The following CAMTA1 variants were observed in gnomAD, a reference collection of about 807,000 sequenced individuals.
CAMTA1 encodes the protein calmodulin-binding transcription activator 1.
In CAMTA1, 27 loss-of-function variants were observed where a neutral mutation model predicts 170.9. That is an observed-to-expected ratio of 0.16 (90% CI 0.12 to 0.22). CAMTA1 has a LOEUF of 0.22. Among genes scored for constraint, CAMTA1 ranks in the 10% least tolerant of loss-of-function variants. CAMTA1 has a pLI of 1.00. For synonymous variants in CAMTA1, 833 were observed against 891.5 expected, an observed-to-expected ratio of 0.93 and a Z score of 1.17; for missense variants, 1,619 against 2,217.2, an observed-to-expected ratio of 0.73 and a Z score of 5.42.
intron 4 of CAMTA1, among the ~76,000 whole-genome samples, chr1:7,109,875 A>G (rs548381158): frequency 2.0e-5 from 3 of 152,214 alleles, no homozygotes; most frequent in Admixed American, 1.3e-4. Flanking sequence ...GCTGAGGAGC[A>G]CTCGGGGTCT....
chr1:7,235,427 C>T (rs896732782), intron 4 of CAMTA1, among the ~76,000 whole-genome samples: 2 of 152,096 alleles, frequency 1.3e-5, no homozygotes, highest in Non-Finnish European at 2.9e-5. Flanking sequence ...GAGTTTGAAA[C>T]CAGCCTGGCC....
At position 7,456,980 on chromosome 1, in the gene CAMTA1, G is replaced by A. The variant is rs1479699097; in HGVS notation, c.439-10850G>A. Among the ~76,000 whole-genome samples the A allele has an allele frequency of 1.3e-5, 2 of 151,320 alleles. No individual in the cohort carries two copies. Among genetic ancestry groups the A allele is most frequent in the African/African-American group, 2.4e-5 (1 of 41,046 alleles). Reference sequence around the variant, plus strand: ...GGAGCGAGGCCCAGCAGAGTTCGGCGCCGCCCTCCCGTTCCTCCTCCCTCC... The same window carrying A: ...GGAGCGAGGCCCAGCAGAGTTCGGCACCGCCCTCCCGTTCCTCCTCCCTCC... On this transcript the variant is annotated intron_variant, in intron 5 of 22. Coordinates refer to ENST00000303635, the MANE Select transcript of CAMTA1 (RefSeq NM_015215.4). The surrounding 1 kb of genome is among the most constrained non-coding windows in gnomAD (Gnocchi z 4.9).
intron 5 of CAMTA1, among the ~76,000 whole-genome samples, chr1:7,345,090 C>T: frequency 6.6e-6 from 1 of 152,144 alleles, no homozygotes; most frequent in Non-Finnish European, 1.5e-5. Flanking sequence ...GTCAAGTTGT[C>T]TCTTTCTTCT....
chr1:7,391,622 TTC>T (rs2088728026), intron 5 of CAMTA1, among the ~76,000 whole-genome samples: 2 of 152,272 alleles, frequency 1.3e-5, no homozygotes, highest in South Asian at 4.1e-4. Flanking sequence ...TGGAGATGGT[TTC>T]TATCAGCTCA....
rs190231664 is a variant in CAMTA1 at position 7,563,262 on chromosome 1, G to A, written c.511-77138G>A. ...CTAAGTACCTGCCAGAGTCTTCCGC[G>A]CAGCTGCTAGAAGCGAACCTGCTTT... On this transcript the variant is annotated intron_variant, in intron 6 of 22. Transcript: ENST00000303635. Among the ~76,000 whole-genome samples the A allele has an allele frequency of 3.9e-4, 59 of 152,318 alleles. No individual in the cohort carries two copies. In the East Asian group the frequency reaches 9.3e-3, roughly 24 times the overall value.
At chr1:6,792,525 C>T (rs1641413582) in intron 1 of CAMTA1, among the ~76,000 whole-genome samples, 1 of 151,818 alleles carries the variant, frequency 6.6e-6, no homozygotes, top group African/African-American at 2.4e-5. Flanking sequence ...TATTATGTAC[C>T]CCATTGCAAA....
chr1:7,449,650 A>G (rs1333112713), intron 5 of CAMTA1, among the ~76,000 whole-genome samples: 1 of 151,764 alleles, frequency 6.6e-6, no homozygotes, highest in Non-Finnish European at 1.5e-5. Context: ...CATGTCTGTA[A>G]TCCCAGCTAC....
chr1:7,110,824 C>T (rs937650069), intron 4 of CAMTA1, among the ~76,000 whole-genome samples: 19 of 152,330 alleles, frequency 1.2e-4, no homozygotes, highest in Non-Finnish European at 1.8e-4. Context: ...TGTGCGACCT[C>T]GATTCCCAAA....
At chr1:7,177,145 G>A (rs1433395463) in intron 4 of CAMTA1, among the ~76,000 whole-genome samples, 1 of 139,826 alleles carries the variant, frequency 7.2e-6, no homozygotes, top group Non-Finnish European at 1.6e-5. Flanking sequence ...CACACACCGA[G>A]GCTCTTCCCA....
chr1:7,631,115 G>A (rs978781303), intron 6 of CAMTA1, among the ~76,000 whole-genome samples: 6 of 152,220 alleles, frequency 3.9e-5, no homozygotes, highest in African/African-American at 1.4e-4. Flanking sequence ...GTGGGCCCTT[G>A]ATGTGGAGAC....
intron 5 of CAMTA1, among the ~76,000 whole-genome samples, chr1:7,414,285 G>A (rs936048338): frequency 6.6e-6 from 1 of 152,166 alleles, no homozygotes; most frequent in African/African-American, 2.4e-5. Flanking sequence ...AATGAGTTAG[G>A]GAGGATTCCC....
intron 4 of CAMTA1, among the ~76,000 whole-genome samples, chr1:7,125,372 G>A (rs1644871564): frequency 6.6e-6 from 1 of 152,178 alleles, no homozygotes; most frequent in African/African-American, 2.4e-5. Context: ...ATGCCATGCT[G>A]GGTGATGGGG....
intron 11 of CAMTA1, among the ~76,000 whole-genome samples, chr1:7,706,895 T>TC (rs2096530260): frequency 6.6e-6 from 1 of 150,890 alleles, no homozygotes; most frequent in South Asian, 2.1e-4. Context: ...TCTTTTTTTT[T>TC]TTTTTTTTTG....
chr1:7,686,143 G>A (rs1197981528), intron 11 of CAMTA1, among the ~76,000 whole-genome samples: 1 of 152,190 alleles, frequency 6.6e-6, no homozygotes, highest in Non-Finnish European at 1.5e-5. Context: ...TCTGCTGGGT[G>A]CCAGGCACTG....
chr1:7,554,957 G>A (rs1053329754), intron 6 of CAMTA1, among the ~76,000 whole-genome samples: 11 of 152,080 alleles, frequency 7.2e-5, no homozygotes, highest in South Asian at 4.2e-4. Context: ...TAATGGAGGC[G>A]AGAACAAGAC....
chr1:7,374,675 C>T (rs920246687), intron 5 of CAMTA1, among the ~76,000 whole-genome samples: 2 of 152,220 alleles, frequency 1.3e-5, no homozygotes, highest in Non-Finnish European at 2.9e-5. Context: ...GCGTGCGGCA[C>T]CCCTGAGCAA....
At position 7,732,150 on chromosome 1, in the gene CAMTA1, T is replaced by C. The variant is rs928004251; in HGVS notation, c.2915-298T>C. Reference sequence around the variant, plus strand: ...ACCAGATCTCATGTCAGGGTTTCCGTTGGGGAATTTGACAAAGAAACTAGG... The same window carrying C: ...ACCAGATCTCATGTCAGGGTTTCCGCTGGGGAATTTGACAAAGAAACTAGG... On this transcript the variant is annotated intron_variant, in intron 11 of 22. Coordinates refer to ENST00000303635, the MANE Select transcript of CAMTA1 (RefSeq NM_015215.4). The surrounding 1 kb of genome is among the most constrained non-coding windows in gnomAD (Gnocchi z 4.1). Among the ~76,000 whole-genome samples the C allele has an allele frequency of 3.3e-5, 5 of 151,952 alleles. No homozygotes were observed. Among genetic ancestry groups the C allele is most frequent in the Admixed American group, 2.6e-4 (4 of 15,224 alleles).
At chr1:7,764,131 G>C (rs2096998511) in intron 22 of CAMTA1, among the ~76,000 whole-genome samples, 1 of 152,008 alleles carries the variant, frequency 6.6e-6, no homozygotes, top group Non-Finnish European at 1.5e-5. Context: ...TATCAAGTAT[G>C]CATGTCCAAA....
rs1700273089 is a variant in CAMTA1, at chr1:7,014,613, G to C, written c.235-76691G>C. 6.6e-6 allele frequency among the ~76,000 whole-genome samples: 1 copy of C among 152,210 alleles called. No individual in the cohort carries two copies. Among genetic ancestry groups the C allele is most frequent in the Admixed American group, 6.5e-5 (1 of 15,278 alleles). ...TTTAAGGCAGCAAAACAGCGTGCGA[G>C]CTTGGTCCCTTAACACGGAGTCTGG... On this transcript the variant is annotated intron_variant, in intron 3 of 22. Coordinates refer to ENST00000303635, the MANE Select transcript of CAMTA1 (RefSeq NM_015215.4). The surrounding 1 kb of genome is among the most constrained non-coding windows in gnomAD (Gnocchi z 4.2).
Sources: allele counts gnomAD v4.1 joint callset (sites outside exome capture counted in the v4.1 genomes callset), GRCh38; gene constraint gnomAD v4.1.1; non-coding constraint Gnocchi (gnomAD v3.1); transcripts MANE v1.5; gene names NCBI Gene and HGNC (gene_info 2026-07-23, HGNC 2026-07-21).